CBLN2: variants seen among roughly 807,000 people sequenced by gnomAD.
CBLN2 encodes the protein cerebellin 2 precursor.
In CBLN2, 7 loss-of-function variants were observed where a neutral mutation model predicts 15.0. The ratio of observed to expected loss-of-function variants is 0.47; its 90% CI spans 0.27 to 0.88. The LOEUF is 0.88. Among genes scored for constraint, CBLN2 ranks in the 40% least tolerant of loss-of-function variants. The pLI, the probability that CBLN2 is intolerant of heterozygous loss-of-function variation, is 0.14. For synonymous variants in CBLN2, 149 were observed against 135.2 expected (o/e 1.10, Z -0.71); for missense variants, 242 against 304.5 (o/e 0.79, Z 1.53).
At chr18:72,629,696 C>T (rs970113045) in intron 1 of CBLN2, among the ~76,000 whole-genome samples, 6 of 151,998 alleles carry the variant, frequency 3.9e-5, no homozygotes, top group African/African-American at 7.2e-5. Context: ...TTTGGACTCT[C>T]GGAAAGCCTA....
At chr18:72,612,869 G>T (rs913865633) in intron 1 of CBLN2, among the ~76,000 whole-genome samples, 59 of 152,088 alleles carry the variant, frequency 3.9e-4, no homozygotes, top group African/African-American at 1.4e-3. Flanking sequence ...TCATAAACTG[G>T]GTGCCCAAAA....
chr18:72,615,184 T>TG (rs1207034773), intron 1 of CBLN2, among the ~76,000 whole-genome samples: 3 of 133,236 alleles, frequency 2.3e-5, no homozygotes, highest in Non-Finnish European at 4.8e-5. Context: ...TATTTATATA[T>TG]TATATATAAA....
At chr18:72,589,747 A>G (rs767090957) in intron 1 of CBLN2, among the ~76,000 whole-genome samples, 5 of 152,244 alleles carry the variant, frequency 3.3e-5, no homozygotes, top group African/African-American at 4.8e-5. Context: ...TGAGAAAATT[A>G]GAAATAGTAG....
rs138126368 is a variant in CBLN2, at chr18:72,592,434, T to C, written c.15+45891A>G. Among the ~76,000 whole-genome samples, 52 of 152,252 alleles carry C rather than the reference T, an allele frequency of 3.4e-4. No individual in the cohort carries two copies. The East Asian group carries it at 8.7e-3, about 25-fold the overall frequency. On this transcript the variant is annotated intron_variant, in intron 1 of 2. Coordinates refer to the CBLN2 transcript ENST00000581073. ...TCAGATGAATAGTTTGCAATTATTT[T>C]CTCCCATTCTGTGAGTTGTCTGTTG... is the stretch of plus-strand genomic sequence containing the variant.
chr18:72,569,642 T>A (rs1179737601), intron 1 of CBLN2, among the ~76,000 whole-genome samples: 2 of 151,920 alleles, frequency 1.3e-5, no homozygotes, highest in Non-Finnish European at 2.9e-5. Context: ...TGAAGGGGGA[T>A]CAGGCCCCAC....
chr18:72,614,632 AC>A (rs1244722082), intron 1 of CBLN2, among the ~76,000 whole-genome samples: 1 of 152,186 alleles, frequency 6.6e-6, no homozygotes, highest in Non-Finnish European at 1.5e-5. Context: ...CATTGGTATT[AC>A]AATGTAGCCT....
chr18:72,631,567 A>G (rs2069776888), intron 1 of CBLN2, among the ~76,000 whole-genome samples: 1 of 152,168 alleles, frequency 6.6e-6, no homozygotes, highest in African/African-American at 2.4e-5. Flanking sequence ...TTTATCTCCC[A>G]CACATCAGTA....
intron 1 of CBLN2, among the ~76,000 whole-genome samples, chr18:72,612,771 G>T (rs2069630982): frequency 6.6e-6 from 1 of 152,192 alleles, no homozygotes; most frequent in East Asian, 1.9e-4. Flanking sequence ...CTTCTAACTT[G>T]TATTTTTGTT....
chr18:72,555,247 C>G (rs2069218504), intron 1 of CBLN2, among the ~76,000 whole-genome samples: 1 of 152,082 alleles, frequency 6.6e-6, no homozygotes, highest in Admixed American at 6.6e-5. Flanking sequence ...CTAAAGGTGC[C>G]CTCGGCTGGA....
chr18:72,568,699 T>C (rs1261302774), intron 1 of CBLN2, among the ~76,000 whole-genome samples: 2 of 152,226 alleles, frequency 1.3e-5, no homozygotes, highest in African/African-American at 2.4e-5. Flanking sequence ...GGAAATTCTA[T>C]TTAATGTTGT....
intron 1 of CBLN2, among the ~76,000 whole-genome samples, chr18:72,608,430 T>C (rs1740810434): frequency 6.6e-6 from 1 of 152,180 alleles, no homozygotes; most frequent in African/African-American, 2.4e-5. Flanking sequence ...GCTGCCTTCT[T>C]TTCCTGGGGT....
chr18:72,634,000 A>G (rs1321679739), intron 1 of CBLN2, among the ~76,000 whole-genome samples: 1 of 152,086 alleles, frequency 6.6e-6, no homozygotes, highest in Non-Finnish European at 1.5e-5. Context: ...CCTGTTTTAG[A>G]GAAATTTTCT....
At chr18:72,546,204 G>A (rs1475223167), upstream of CBLN2, among the ~76,000 whole-genome samples, 2 of 152,198 alleles carry the variant, frequency 1.3e-5, no homozygotes, top group African/African-American at 4.8e-5. Context: ...TTGGGAGGCC[G>A]AGGCGGGCGG....
chr18:72,582,943 C>T (rs1228671791), intron 1 of CBLN2, among the ~76,000 whole-genome samples: 1 of 152,204 alleles, frequency 6.6e-6, no homozygotes, highest in African/African-American at 2.4e-5. Flanking sequence ...ACGCTGGTAT[C>T]TCAGCCTGCC....
At position 72,542,657 on chromosome 18, in the gene CBLN2, G is replaced by A. The variant is rs67792236; in HGVS notation, c.-166-331C>T. ...CCGCCCATTCACCAGCGCGGAGGGG[G>A]CTAAGACGCAGGCAAAGAAAAACCT... On this transcript the variant is annotated intron_variant, in intron 2 of 4. Transcript: ENST00000269503. 0.051 allele frequency among the ~76,000 whole-genome samples: 7,759 copies of A among 152,106 alleles called. 896 individuals carry two copies. The East Asian group carries it at 0.54, about 11-fold the overall frequency.
intron 1 of CBLN2, among the ~76,000 whole-genome samples, chr18:72,571,027 T>C (rs944604092): frequency 3.3e-5 from 5 of 152,144 alleles, no homozygotes; most frequent in Non-Finnish European, 5.9e-5. Context: ...GTTTATCATA[T>C]TATATATGTA....
chr18:72,577,199 G>T (rs1364033757), intron 1 of CBLN2, among the ~76,000 whole-genome samples: 1 of 149,628 alleles, frequency 6.7e-6, no homozygotes, highest in Non-Finnish European at 1.5e-5. Context: ...GAATATGAAA[G>T]AAAAAATATT....
intron 1 of CBLN2, among the ~76,000 whole-genome samples, chr18:72,549,770 T>C (rs1237023160): frequency 6.6e-6 from 1 of 152,118 alleles, no homozygotes; most frequent in East Asian, 1.9e-4. Context: ...TTTTAATTGG[T>C]AGCTAGGGGA....
At chr18:72,614,769 T>G (rs2069645658) in intron 1 of CBLN2, among the ~76,000 whole-genome samples, 1 of 152,062 alleles carries the variant, frequency 6.6e-6, no homozygotes, top group Non-Finnish European at 1.5e-5. Context: ...TCATTCCTTT[T>G]GGTAGAGTTG....
Sources: gnomAD v4.1 joint callset for allele counts (sites outside exome capture counted in the v4.1 genomes callset) on GRCh38, gnomAD v4.1.1 for gene constraint, MANE v1.5 for transcripts, NCBI Gene and HGNC (gene_info 2026-07-23, HGNC 2026-07-21) for gene names.